MAN2A1: variants seen among roughly 807,000 people sequenced by gnomAD.
MAN2A1 encodes the protein mannosidase alpha class 2A member 1, also known as alpha-mannosidase 2.
Under a neutral mutation model 142.6 loss-of-function variants are expected in MAN2A1, and 76 were observed. The observed-to-expected ratio is 0.53, with a 90% CI of 0.44 to 0.65. The LOEUF is 0.65. Ranked by LOEUF, MAN2A1 falls within the 30% of genes least tolerant of loss-of-function variation. The probability of loss-of-function intolerance (pLI) is 0.00; values close to 1 mark genes in which losing one functional copy is unlikely to be tolerated. For missense variants in MAN2A1, 1,311 were observed against 1,365.1 expected (o/e 0.96, Z 0.62); for synonymous variants, 559 against 473.2 (o/e 1.18, Z -2.35).
intron 12 of MAN2A1, among the ~76,000 whole-genome samples, chr5:109,799,006 A>G (rs1582908497): frequency 6.6e-6 from 1 of 151,756 alleles, no homozygotes; most frequent in East Asian, 2.0e-4. Flanking sequence ...TCTGTTTTTT[A>G]AATGTGTCTC....
Position 109,868,498 on chromosome 5 carries a change from C to G in MAN2A1, c.*1500C>G, listed in dbSNP as rs546252927. On this transcript the variant is annotated 3_prime_UTR_variant, in exon 22 of 22. Coordinates refer to ENST00000261483, the MANE Select transcript of MAN2A1 (RefSeq NM_002372.4). ...TTTCATATTCTGTGGCTTTCAACCT[C>G]CATTTACCTCTTGTCATTCCAACAT... 43 of 152,254 alleles carry G rather than the reference C, an allele frequency of 2.8e-4. No individual in the cohort carries two copies. Among genetic ancestry groups the G allele is most frequent in the South Asian group, 1.9e-3 (9 of 4,828 alleles). 9.4% of individuals were successfully genotyped at this position (152,254 alleles called of 1,614,324 possible). A position where few individuals can be genotyped will look rare whatever the true frequency, so the allele number is the denominator to read the frequency against.
chr5:109,711,424 G>A (rs1454854291), intron 1 of MAN2A1, among the ~76,000 whole-genome samples: 1 of 134,068 alleles, frequency 7.5e-6, no homozygotes, highest in African/African-American at 3.0e-5. Flanking sequence ...TATGTATTTA[G>A]GAAAATATAT....
chr5:109,713,617 A>G lies in MAN2A1; in HGVS notation c.233A>G (p.Asn78Ser), dbSNP rs557821156. 2.5e-6 allele frequency: 4 copies of G among 1,614,110 alleles called. No individual in the cohort carries two copies. The highest frequency in any genetic ancestry group is 1.6e-4 in the Middle Eastern group (1 of 6,062). The change falls in exon 2 of 22, where the codon AAT becomes AGT. Residue 78 changes from asparagine (N) to serine (S), a missense_variant. By Grantham distance (46) the Asn-to-Ser change is conservative. Around this residue, in one of 3 missense-constraint regions of MAN2A1, gnomAD observed 409 missense variants for 412.7 expected, o/e 0.99. Coordinates refer to ENST00000261483, the MANE Select transcript of MAN2A1 (RefSeq NM_002372.4). ...TCAAATATTAGAGACTCAGTCATCA[A>G]TTTGAGTGAGTCTGTGGAGGATGGT... ...IISNIRDSVI[N>S]LSESVEDGPK... is the part of the protein sequence containing the mutation.
In MAN2A1 at chr5:109,703,115, T is replaced by C. The variant is rs763423087; in HGVS notation, c.136-10405T>C. 2.6e-5 allele frequency among the ~76,000 whole-genome samples: 4 copies of C among 152,350 alleles called. No homozygotes were observed. The East Asian group carries it at 7.7e-4, about 29-fold the overall frequency. On this transcript the variant is annotated intron_variant, in intron 1 of 21. Transcript: ENST00000261483. ...TTCAGAGGCTTTCCAAAACTATTTCTGTATGAAAAACGATCTCAGACATGT... is the reference window on the plus strand; with the variant it reads ...TTCAGAGGCTTTCCAAAACTATTTCCGTATGAAAAACGATCTCAGACATGT...
intron 12 of MAN2A1, among the ~76,000 whole-genome samples, chr5:109,792,123 G>A (rs1389650623): frequency 1.3e-5 from 2 of 151,924 alleles, no homozygotes; most frequent in Non-Finnish European, 2.9e-5. Context: ...CTTGTTTAAT[G>A]GTTCTCCCTG....
At chr5:109,760,343 A>T (rs1048063556) in intron 5 of MAN2A1, among the ~76,000 whole-genome samples, 3 of 152,020 alleles carry the variant, frequency 2.0e-5, no homozygotes, top group Non-Finnish European at 4.4e-5. Flanking sequence ...ATAATATTCC[A>T]TGGTGTATAT....
chr5:109,827,540 G>A (rs1012463649), intron 16 of MAN2A1, among the ~76,000 whole-genome samples: 9 of 152,140 alleles, frequency 5.9e-5, no homozygotes, highest in Admixed American at 5.9e-4. Flanking sequence ...AGAGTTGAGA[G>A]GCCGTATAGT....
intron 4 of MAN2A1, among the ~76,000 whole-genome samples, chr5:109,729,972 A>G (rs1751858175): frequency 6.6e-6 from 1 of 152,166 alleles, no homozygotes; most frequent in Non-Finnish European, 1.5e-5. Context: ...AGCCTGGGTA[A>G]CAGTGCAAGA....
intron 20 of MAN2A1, among the ~76,000 whole-genome samples, 156 bp downstream of exon 20, chr5:109,855,490 T>C (rs1212303868): frequency 1.3e-5 from 2 of 152,210 alleles, no homozygotes; most frequent in African/African-American, 4.8e-5. Flanking sequence ...TGCCTTTCAT[T>C]TGACTATTGC....
In MAN2A1 at chr5:109,819,811, T is replaced by C. The variant is rs1340643339; in HGVS notation, c.2252T>C (p.Met751Thr). The change falls in exon 14 of 22, where the codon ATG (methionine) becomes ACG (threonine). Residue 751 changes from methionine to threonine, a missense_variant. Physicochemically the swap from Met to Thr is moderately conservative, Grantham distance 81. This residue lies in a region of MAN2A1 where 890 missense variants were observed against 920.5 expected (regional missense o/e 0.97). Coordinates refer to ENST00000261483, the MANE Select transcript of MAN2A1 (RefSeq NM_002372.4). Reference protein sequence around the residue: ...EDSGIFTIKNMINTEEGITLE... With the variant: ...EDSGIFTIKNTINTEEGITLE... ...AGCGGAATTTTCACCATAAAGAATA[T>C]GATAAATACTGAAGAAGGTATAACA... is the stretch of plus-strand genomic sequence containing the variant. 6.2e-7 allele frequency: 1 copy of C among 1,611,126 alleles called. No homozygotes were observed. Among genetic ancestry groups the C allele is most frequent in the East Asian group, 2.2e-5 (1 of 44,810 alleles).
chr5:109,839,355 T>A (rs1282142583), intron 16 of MAN2A1, among the ~76,000 whole-genome samples: 1 of 152,228 alleles, frequency 6.6e-6, no homozygotes, highest in Non-Finnish European at 1.5e-5. Context: ...ATACTGTTAT[T>A]TATCATCAGC....
At chr5:109,775,701 G>A (rs977418521) in intron 8 of MAN2A1, among the ~76,000 whole-genome samples, 1 of 151,966 alleles carries the variant, frequency 6.6e-6, no homozygotes, top group Non-Finnish European at 1.5e-5. Flanking sequence ...ATTTCAGTAT[G>A]TATCTCTAAA....
chr5:109,784,345 A>G (rs1753540847), intron 9 of MAN2A1, among the ~76,000 whole-genome samples: 1 of 152,096 alleles, frequency 6.6e-6, no homozygotes, highest in African/African-American at 2.4e-5. Flanking sequence ...TGTGAGAGTA[A>G]ATGATATTCT....
chr5:109,842,592 A>G, intron 17 of MAN2A1, 131 bp downstream of exon 17: 1 of 550,272 alleles, frequency 1.8e-6, no homozygotes, highest in South Asian at 5.3e-5. Context: ...CTAAAATAAA[A>G]CTGAATTTTG....
intron 12 of MAN2A1, among the ~76,000 whole-genome samples, chr5:109,797,801 G>A (rs1753903082): frequency 6.6e-6 from 1 of 152,074 alleles, no homozygotes; most frequent in Non-Finnish European, 1.5e-5. Flanking sequence ...AAGTGCCCAG[G>A]CAGAAAGACT....
intron 5 of MAN2A1, among the ~76,000 whole-genome samples, chr5:109,759,730 G>T (rs1256183183): frequency 6.6e-6 from 1 of 152,060 alleles, no homozygotes; most frequent in African/African-American, 2.4e-5. Context: ...ACGAATTAGA[G>T]TTCTGATTGT....
At chr5:109,822,846 T>G (rs1754663385) in intron 15 of MAN2A1, among the ~76,000 whole-genome samples, 1 of 151,962 alleles carries the variant, frequency 6.6e-6, no homozygotes. Flanking sequence ...TCTGGCTAAT[T>G]TTTTGTCTTT....
chr5:109,745,286 A>G (rs1341546670), intron 4 of MAN2A1, among the ~76,000 whole-genome samples: 1 of 152,210 alleles, frequency 6.6e-6, no homozygotes, highest in Non-Finnish European at 1.5e-5. Flanking sequence ...ATAAACATAC[A>G]ATACAATAAA....
chr5:109,846,590 A>G (rs1755350066), intron 18 of MAN2A1, among the ~76,000 whole-genome samples: 1 of 152,170 alleles, frequency 6.6e-6, no homozygotes, highest in South Asian at 2.1e-4. Flanking sequence ...AGAGGCTTTG[A>G]TCCTTTATAA....
Sources: allele counts gnomAD v4.1 joint callset (sites outside exome capture counted in the v4.1 genomes callset), GRCh38; gene constraint gnomAD v4.1.1; regional missense constraint gnomAD v4.1.1; transcripts MANE v1.5; gene names NCBI Gene and HGNC (gene_info 2026-07-23, HGNC 2026-07-21).